NAV3: variants seen among roughly 807,000 people sequenced by gnomAD.
NAV3 encodes neuron navigator 3, also known as pore membrane and/or filament interacting like protein 1.
A neutral mutation model predicts 244.7 loss-of-function variants in NAV3; 87 were observed. The observed-to-expected ratio is 0.36, with a 90% CI of 0.30 to 0.42. NAV3 has a LOEUF of 0.42. Among genes scored for constraint, NAV3 ranks in the 20% least tolerant of loss-of-function variants. NAV3 has a pLI of 1.00. For missense variants in NAV3, 2,663 were observed against 2,893.3 expected (o/e 0.92, Z 1.83); for synonymous variants, 1,126 against 1,042.2 (o/e 1.08, Z -1.55).
At chr12:78,085,759 G>T (rs1238254505) in intron 12 of NAV3, among the ~76,000 whole-genome samples, 1 of 152,032 alleles carries the variant, frequency 6.6e-6, no homozygotes, top group Non-Finnish European at 1.5e-5. Context: ...GTACAGCCAA[G>T]AACAGATTAT....
chr12:78,049,070 C>T (rs1368639783), intron 9 of NAV3, among the ~76,000 whole-genome samples: 3 of 152,174 alleles, frequency 2.0e-5, no homozygotes, highest in Admixed American at 6.5e-5. Context: ...CCCCTCCCCC[C>T]ACCAAGCTCC....
At chr12:77,638,200 T>A (rs369557254) in intron 2 of NAV3, among the ~76,000 whole-genome samples, 3 of 152,168 alleles carry the variant, frequency 2.0e-5, no homozygotes, top group African/African-American at 7.2e-5. Flanking sequence ...TTGAATAAAT[T>A]TTTTCGAATT....
intron 2 of NAV3, among the ~76,000 whole-genome samples, chr12:77,685,599 C>A (rs191036845): frequency 1.3e-5 from 2 of 152,032 alleles, no homozygotes; most frequent in Non-Finnish European, 2.9e-5. Context: ...CCAATTTTCC[C>A]GTTTTCAAGA....
intron 2 of NAV3, among the ~76,000 whole-genome samples, chr12:77,678,162 A>C (rs1305020918): frequency 6.6e-6 from 1 of 152,288 alleles, no homozygotes; most frequent in African/African-American, 2.4e-5. Context: ...GTAAAACCAG[A>C]TGAAGCACAT....
At chr12:77,986,901 T>C (rs1338779649) in intron 5 of NAV3, among the ~76,000 whole-genome samples, 2 of 152,158 alleles carry the variant, frequency 1.3e-5, no homozygotes, top group African/African-American at 2.4e-5. Context: ...TGATTAGTGA[T>C]GTCTGTAATG....
intron 1 of NAV3, among the ~76,000 whole-genome samples, chr12:77,840,342 G>C (rs1021924801): frequency 6.6e-6 from 1 of 152,106 alleles, no homozygotes; most frequent in East Asian, 1.9e-4. Flanking sequence ...AAATGTCAAA[G>C]TGACATGATT....
chr12:77,667,247 G>A (rs1826072215), intron 2 of NAV3, among the ~76,000 whole-genome samples: 1 of 152,102 alleles, frequency 6.6e-6, no homozygotes, highest in Non-Finnish European at 1.5e-5. Flanking sequence ...ACCAGGAAAG[G>A]CGAGAGAATC....
chr12:78,181,095 C>A (rs146514723), intron 30 of NAV3, 50 bp downstream of exon 30: 4 of 1,553,828 alleles, frequency 2.6e-6, no homozygotes, highest in Non-Finnish European at 3.5e-6. Context: ...CATGAGTTAA[C>A]GGGTGGGAAG....
At chr12:77,738,484 A>C (rs181279790) in intron 2 of NAV3, among the ~76,000 whole-genome samples, 146 of 152,346 alleles carry the variant, frequency 9.6e-4, no homozygotes, top group African/African-American at 3.5e-3. Flanking sequence ...CTTCTTCCAA[A>C]GTTTAATTCA....
chr12:78,168,317 A>G (rs560244406), intron 23 of NAV3, among the ~76,000 whole-genome samples: 8 of 151,970 alleles, frequency 5.3e-5, no homozygotes, highest in Admixed American at 2.6e-4. Flanking sequence ...CAAAATCTGA[A>G]ATCATTCATT....
intron 2 of NAV3, among the ~76,000 whole-genome samples, chr12:77,705,118 A>AAAAC (rs1326362649): frequency 6.6e-6 from 1 of 152,190 alleles, no homozygotes; most frequent in East Asian, 1.9e-4. Context: ...AAAACAAAAC[A>AAAAC]AAACAAAAAA....
In NAV3 at chr12:78,122,302, C is replaced by T. The variant is rs1955707218; in HGVS notation, c.4112C>T (p.Thr1371Met). ...TACCAGTCCATGACTAGCCTCCACA[C>T]GAGCTCTGAGTCCATTGACCTCCCC... The part of the protein sequence containing the change: ...PSYQSMTSLH[T>M]SSESIDLPLS... Residue 1371 changes from threonine (T) to methionine (M), a missense_variant, in exon 16 of 40, where the codon ACG becomes ATG. Physicochemically the swap from Thr to Met is moderately conservative, Grantham distance 81. Transcript: ENST00000397909. 3 of 1,614,174 alleles carry T rather than the reference C, an allele frequency of 1.9e-6. No individual in the cohort carries two copies. Among genetic ancestry groups the T allele is most frequent in the East Asian group, 4.5e-5 (2 of 44,866 alleles).
intron 2 of NAV3, among the ~76,000 whole-genome samples, chr12:77,695,906 G>A (rs1211568623): frequency 6.6e-6 from 1 of 152,014 alleles, no homozygotes; most frequent in African/African-American, 2.4e-5. Context: ...TTCTACCCCA[G>A]AGAAGATTAT....
At chr12:78,058,821 G>GA (rs1350809174) in intron 11 of NAV3, among the ~76,000 whole-genome samples, 175 bp from the exon 12 acceptor site, 2 of 151,928 alleles carry the variant, frequency 1.3e-5, no homozygotes, top group African/African-American at 2.4e-5. Flanking sequence ...TAGTAAACTT[G>GA]AAAAAATATT....
At chr12:77,691,360 T>C (rs868322097) in intron 2 of NAV3, among the ~76,000 whole-genome samples, 1 of 134,824 alleles carries the variant, frequency 7.4e-6, no homozygotes, top group African/African-American at 2.7e-5. Context: ...TATATACATA[T>C]CCATTCTTGT....
At chr12:77,598,362 A>G (rs1419489879) in intron 2 of NAV3, among the ~76,000 whole-genome samples, 1 of 152,050 alleles carries the variant, frequency 6.6e-6, no homozygotes, top group Non-Finnish European at 1.5e-5. Context: ...TATTTGGTCC[A>G]GTAATGTATC....
At chr12:78,163,753 G>A (rs965825448) in intron 23 of NAV3, among the ~76,000 whole-genome samples, 5 of 151,928 alleles carry the variant, frequency 3.3e-5, no homozygotes, top group African/African-American at 1.2e-4. Context: ...TTATCTCTAG[G>A]CATTACCCTA....
intron 2 of NAV3, among the ~76,000 whole-genome samples, chr12:77,798,662 CA>C (rs1490802645): frequency 6.6e-6 from 1 of 152,006 alleles, no homozygotes; most frequent in Non-Finnish European, 1.5e-5. Flanking sequence ...TAAATTATAA[CA>C]AATGCTATAA....
At chr12:77,781,862 G>A (rs189562177) in intron 2 of NAV3, among the ~76,000 whole-genome samples, 4 of 152,266 alleles carry the variant, frequency 2.6e-5, no homozygotes, top group Admixed American at 2.0e-4. Flanking sequence ...ACTAGGGCAA[G>A]TGTTTGGCTA....
Sources: allele counts gnomAD v4.1 joint callset (sites outside exome capture counted in the v4.1 genomes callset), GRCh38; gene constraint gnomAD v4.1.1; transcripts MANE v1.5; gene names NCBI Gene and HGNC (gene_info 2026-07-23, HGNC 2026-07-21).